The following CCDC88C variants were observed in gnomAD, a reference collection of about 807,000 sequenced individuals.
CCDC88C encodes protein Daple.
CCDC88C carries 131 observed loss-of-function variants against 198.8 expected under a neutral mutation model. The ratio of observed to expected loss-of-function variants is 0.66; its 90% CI spans 0.57 to 0.76. The LOEUF is 0.76. Among genes scored for constraint, CCDC88C ranks in the 30% least tolerant of loss-of-function variants. The probability of loss-of-function intolerance (pLI) is 0.00; values close to 1 mark genes in which losing one functional copy is unlikely to be tolerated. For missense variants in CCDC88C, 2,553 were observed against 2,631.6 expected (o/e 0.97, Z 0.65); for synonymous variants, 1,166 against 1,114.7 (o/e 1.05, Z -0.92).
chr14:91,369,850 G>A (rs530898973), intron 3 of CCDC88C, among the ~76,000 whole-genome samples: 1 of 152,268 alleles, frequency 6.6e-6, no homozygotes, highest in South Asian at 2.1e-4. Context: ...ATCTGCACAA[G>A]CCCAGGAGCG....
chr14:91,307,595 TG>T (rs1259575947), intron 17 of CCDC88C, among the ~76,000 whole-genome samples: 1 of 152,230 alleles, frequency 6.6e-6, no homozygotes, highest in Non-Finnish European at 1.5e-5. Context: ...CTGCTGGCAC[TG>T]GAGCAGCTTT....
chr14:91,407,091 C>G (rs141847946), intron 3 of CCDC88C, among the ~76,000 whole-genome samples: 2 of 152,176 alleles, frequency 1.3e-5, no homozygotes, highest in Non-Finnish European at 2.9e-5. Context: ...CAGCCCCCCC[C>G]ACCCAACAGG....
In CCDC88C at chr14:91,339,560, T is replaced by C. The variant is rs953693391; in HGVS notation, c.625-98A>G. The C allele has an allele frequency of 1.7e-6, 2 of 1,192,626 alleles. No homozygotes were observed. The highest frequency in any genetic ancestry group is 2.3e-6 in the Non-Finnish European group (2 of 856,562). The allele number at this position is 1,192,626 out of a possible 1,614,324, so 73.9% of individuals were successfully genotyped here. ...GGTGAAGAAACCGCCAAAAGACAGA[T>C]ATTTCAGCGGAGACTAAGAAACGAG... On this transcript the variant is annotated intron_variant, in intron 7 of 29. Transcript: ENST00000389857. The surrounding 1 kb of genome is among the most constrained non-coding windows in gnomAD (Gnocchi z 5.8).
chr14:91,310,057 G>A (rs1353720371), intron 15 of CCDC88C, 71 bp from the exon 16 acceptor site: 32 of 1,439,084 alleles, frequency 2.2e-5, no homozygotes, highest in East Asian at 1.1e-4. Flanking sequence ...CGCCAGTCCC[G>A]CCCGGGTGTG....
intron 3 of CCDC88C, among the ~76,000 whole-genome samples, chr14:91,399,248 G>C (rs1184095989): frequency 6.6e-6 from 1 of 152,122 alleles, no homozygotes; most frequent in Non-Finnish European, 1.5e-5. Context: ...ACCGACACCA[G>C]TGACACCAAG....
At chr14:91,391,122 C>T (rs906207606) in intron 3 of CCDC88C, among the ~76,000 whole-genome samples, 3 of 152,148 alleles carry the variant, frequency 2.0e-5, no homozygotes, top group Non-Finnish European at 4.4e-5. Flanking sequence ...GTTCTAGAAG[C>T]CTGAGAAGCT....
At chr14:91,357,819 C>T (rs116614787) in intron 4 of CCDC88C, among the ~76,000 whole-genome samples, 1,651 of 152,328 alleles carry the variant, frequency 0.011, 27 homozygotes, top group African/African-American at 0.035. Flanking sequence ...CTGGCGTCCC[C>T]GCCCTTCTCT....
In CCDC88C at chr14:91,281,483, A is replaced by C. The variant is rs201391511; in HGVS notation, c.4673T>G (p.Phe1558Cys). ...GTACTGCCTGTGGTTGGGGACCTCA[A>C]ACTCCAGGGATGGCTCACAGAGGTT... ...DDNLCEPSLEFEVPNHRQYVS... is the reference protein window; with the variant it reads ...DDNLCEPSLECEVPNHRQYVS... Residue 1558 changes from phenylalanine to cysteine, a missense_variant, in exon 27 of 30, where the codon TTT becomes TGT. By Grantham distance (205) the Phe-to-Cys change is radical (BLOSUM62 -2). This residue lies in a region of CCDC88C where 1,293 missense variants were observed against 1,219.6 expected (regional missense o/e 1.06). Transcript: ENST00000389857. 3.7e-6 allele frequency: 6 copies of C among 1,613,772 alleles called. No individual in the cohort carries two copies. In the African/African-American group the frequency reaches 4.0e-5, roughly 11 times the overall value.
Position 91,307,147 on chromosome 14 carries a change from C to T in CCDC88C, c.3086G>A (p.Gly1029Glu). Reference protein sequence around the residue: ...HLQNSFKHPAGKTAASHQGKE... With the variant: ...HLQNSFKHPAEKTAASHQGKE... ...CCCCTGGTGACTGGCGGCTGTCTTC[C>T]CCGCAGGGTGCTTGAAAGAGTTCTG... is the stretch of plus-strand genomic sequence containing the variant. Residue 1029 changes from glycine (G) to glutamate (E), a missense_variant, in exon 18 of 30, where the codon GGG (glycine) becomes GAG (glutamate). By Grantham distance (98) the Gly-to-Glu change is moderately conservative (BLOSUM62 -2). Around this residue, in one of 2 missense-constraint regions of CCDC88C, gnomAD observed 1,260 missense variants for 1,412.0 expected, o/e 0.89. Transcript: ENST00000389857. 1.9e-6 allele frequency: 3 copies of T among 1,613,970 alleles called. No individual in the cohort carries two copies. Among genetic ancestry groups the T allele is most frequent in the South Asian group, 1.1e-5 (1 of 91,090 alleles).
At chr14:91,405,348 C>T (rs1286878411) in intron 3 of CCDC88C, among the ~76,000 whole-genome samples, 1 of 152,182 alleles carries the variant, frequency 6.6e-6, no homozygotes, top group Non-Finnish European at 1.5e-5. Flanking sequence ...TACCAAAAAG[C>T]CACAGGTGAG....
intron 2 of CCDC88C, among the ~76,000 whole-genome samples, chr14:91,409,867 T>G (rs570920761): frequency 2.6e-5 from 4 of 152,322 alleles, no homozygotes; most frequent in Admixed American, 6.5e-5. Flanking sequence ...TCATGCGAAT[T>G]GGTCTTGGGC....
chr14:91,348,098 T>C (rs538759589), intron 4 of CCDC88C, among the ~76,000 whole-genome samples: 1 of 152,168 alleles, frequency 6.6e-6, no homozygotes, highest in Non-Finnish European at 1.5e-5. Flanking sequence ...CTCTGCCTCC[T>C]GGGTTCAAGC....
At chr14:91,329,097 C>T (rs1892701159) in intron 10 of CCDC88C, among the ~76,000 whole-genome samples, 1 of 152,230 alleles carries the variant, frequency 6.6e-6, no homozygotes, top group Non-Finnish European at 1.5e-5. Flanking sequence ...CAGGAAACAT[C>T]ACCCCCGCTC....
At chr14:91,286,096 T>C (rs1417349097) in intron 25 of CCDC88C, among the ~76,000 whole-genome samples, 1 of 152,146 alleles carries the variant, frequency 6.6e-6, no homozygotes, top group Non-Finnish European at 1.5e-5. Flanking sequence ...GTGAGGAGAA[T>C]TACATACTGC....
intron 1 of CCDC88C, 21 bp downstream of exon 1, chr14:91,417,610 C>T (rs1410791988): frequency 1.3e-6 from 2 of 1,577,420 alleles, no homozygotes; most frequent in East Asian, 2.4e-5. Context: ...AACAAAGGGG[C>T]GGGGAGCCAG....
At chr14:91,361,760 G>A (rs563926812) in intron 3 of CCDC88C, among the ~76,000 whole-genome samples, 1 of 152,234 alleles carries the variant, frequency 6.6e-6, no homozygotes, top group South Asian at 2.1e-4. Flanking sequence ...AAGTCAATGT[G>A]AAAAAATTGT....
chr14:91,364,663 C>T (rs1894449047), intron 3 of CCDC88C, among the ~76,000 whole-genome samples: 1 of 152,116 alleles, frequency 6.6e-6, no homozygotes, highest in Admixed American at 6.5e-5. Flanking sequence ...ATTTGTCACC[C>T]CGGCAGGAAG....
At chr14:91,369,850 G>C (rs530898973) in intron 3 of CCDC88C, among the ~76,000 whole-genome samples, 1 of 152,150 alleles carries the variant, frequency 6.6e-6, no homozygotes, top group Non-Finnish European at 1.5e-5. Context: ...ATCTGCACAA[G>C]CCCAGGAGCG....
At chr14:91,410,445 GA>G (rs1026523413) in intron 2 of CCDC88C, among the ~76,000 whole-genome samples, 14 of 150,356 alleles carry the variant, frequency 9.3e-5, no homozygotes, top group African/African-American at 2.7e-4. Flanking sequence ...ATTGACAAAG[GA>G]AAAAAAAACC....
Sources: allele counts gnomAD v4.1 joint callset (sites outside exome capture counted in the v4.1 genomes callset), GRCh38; gene constraint gnomAD v4.1.1; regional missense constraint gnomAD v4.1.1; non-coding constraint Gnocchi (gnomAD v3.1); transcripts MANE v1.5; gene names NCBI Gene and HGNC (gene_info 2026-07-23, HGNC 2026-07-21).